Variants in SYNRG observed in about 807,000 individuals in gnomAD.
SYNRG encodes synergin gamma, also known as AP1 gamma subunit binding protein 1.
A neutral mutation model predicts 130.9 loss-of-function variants in SYNRG; 37 were observed. The ratio of observed to expected loss-of-function variants is 0.28; its 90% CI spans 0.22 to 0.37. The LOEUF (loss-of-function observed/expected upper bound fraction) is 0.37. SYNRG is among the 10% of genes least tolerant of loss of function. SYNRG has a pLI of 1.00. For missense variants in SYNRG, 1,338 were observed against 1,588.9 expected (o/e 0.84, Z 2.68); for synonymous variants, 539 against 568.1 (o/e 0.95, Z 0.73).
chr17:37,540,760 G>C (rs2057682694), intron 15 of SYNRG: 1 of 723,882 alleles, frequency 1.4e-6, no homozygotes, highest in Non-Finnish European at 2.0e-6. Flanking sequence ...TCAGCCTCCT[G>C]AGTAGCTGGG....
chr17:37,549,561 T>G (rs1445136459), intron 14 of SYNRG, among the ~76,000 whole-genome samples: 1 of 152,092 alleles, frequency 6.6e-6, no homozygotes, highest in Admixed American at 6.6e-5. Flanking sequence ...ACTGCAAACC[T>G]AACATGCTCT....
chr17:37,545,310 C>T (rs1282832956), intron 14 of SYNRG, among the ~76,000 whole-genome samples: 1 of 151,928 alleles, frequency 6.6e-6, no homozygotes, highest in South Asian at 2.1e-4. Flanking sequence ...GCAGGAGAAT[C>T]GCTTGAATAA....
At position 37,571,737 on chromosome 17, in the gene SYNRG, C is replaced by T. The variant is rs2060448827; in HGVS notation, c.1098+54G>A. The T allele has an allele frequency of 2.7e-6, 4 of 1,502,778 alleles. No homozygotes were observed. The East Asian group carries it at 6.8e-5, about 26-fold the overall frequency. 93.1% of individuals were successfully genotyped at this position (1,502,778 alleles called of 1,614,324 possible). A position where few individuals can be genotyped will look rare whatever the true frequency, so the allele number is the denominator to read the frequency against. On this transcript the variant is annotated intron_variant, in intron 9 of 21. Coordinates refer to ENST00000612223, the MANE Select transcript of SYNRG (RefSeq NM_007247.6). ...AATGTAGTAAAAAAGATTTCATATC[C>T]TTGCAATTTATATTAATAAAGTTAT...
At chr17:37,520,104 A>G in intron 21 of SYNRG, 75 bp downstream of exon 21, 1 of 1,512,582 alleles carries the variant, frequency 6.6e-7, no homozygotes, top group Non-Finnish European at 9.2e-7. Flanking sequence ...ATGGCAATGG[A>G]TAGAATCATC....
intron 5 of SYNRG, 41 bp from the exon 6 acceptor site, chr17:37,584,800 C>T: frequency 6.7e-7 from 1 of 1,482,664 alleles, no homozygotes; most frequent in Non-Finnish European, 9.4e-7. Context: ...TTACTTATCC[C>T]TCACTGTATC....
At chr17:37,563,692 A>G (rs1428716784) in intron 11 of SYNRG, among the ~76,000 whole-genome samples, 6 of 151,958 alleles carry the variant, frequency 3.9e-5, no homozygotes, top group African/African-American at 1.2e-4. Flanking sequence ...ATGCACCACC[A>G]TGCACAGCTA....
chr17:37,543,717 C>T (rs2057999764), intron 14 of SYNRG, among the ~76,000 whole-genome samples: 1 of 152,124 alleles, frequency 6.6e-6, no homozygotes, highest in Non-Finnish European at 1.5e-5. Flanking sequence ...GCTTTAGGGC[C>T]TACAGTGGAA....
chr17:37,594,207 CAATATTAATTATTTTAAT>C (rs2062490241), intron 3 of SYNRG, among the ~76,000 whole-genome samples: 13 of 93,220 alleles, frequency 1.4e-4, no homozygotes, highest in African/African-American at 5.5e-4. Flanking sequence ...ATATTAATTA[CAATATTAATTATTTTAAT>C]TATATTAATT....
intron 8 of SYNRG, among the ~76,000 whole-genome samples, chr17:37,574,425 A>C (rs1220249128): frequency 6.6e-6 from 1 of 152,228 alleles, no homozygotes; most frequent in South Asian, 2.1e-4. Flanking sequence ...CAAGTTAAAA[A>C]GCTTTTGCAC....
At position 37,519,349 on chromosome 17, in the gene SYNRG, GA is replaced by G. The variant is rs1246787353; in HGVS notation, c.3814-279del. On this transcript the variant is annotated intron_variant, in intron 21 of 21. Transcript: ENST00000612223. ...ACAGAGGTTATGGGGTGGAGGGGGGGAATCATGATAAGGGGAACTGAAGTAG... is the reference window on the plus strand; with the variant it reads ...ACAGAGGTTATGGGGTGGAGGGGGGGATCATGATAAGGGGAACTGAAGTAG... Among the ~76,000 whole-genome samples the G allele has an allele frequency of 5.3e-5, 8 of 152,252 alleles. No individual in the cohort carries two copies. In the South Asian group the frequency reaches 1.7e-3, roughly 32 times the overall value.
chr17:37,586,269 T>C (rs1288177070), intron 4 of SYNRG, 150 bp downstream of exon 4: 8 of 1,148,336 alleles, frequency 7.0e-6, no homozygotes, highest in African/African-American at 3.1e-5. Flanking sequence ...GCTGGGATTA[T>C]AGGCATGAAC....
chr17:37,584,911 G>C (rs1287998929), intron 5 of SYNRG, 152 bp from the exon 6 acceptor site: 1 of 602,204 alleles, frequency 1.7e-6, no homozygotes, highest in African/African-American at 1.8e-5. Context: ...CAAGACATTG[G>C]TAAATGATTA....
intron 3 of SYNRG, among the ~76,000 whole-genome samples, chr17:37,593,408 G>T (rs1396610387): frequency 6.6e-6 from 1 of 150,882 alleles, no homozygotes. Context: ...GCCAGACTCT[G>T]TCTCAAAAAA....
At chr17:37,586,286 G>A in intron 4 of SYNRG, 133 bp downstream of exon 4, 3 of 1,311,082 alleles carry the variant, frequency 2.3e-6, no homozygotes, top group Non-Finnish European at 3.1e-6. Context: ...GAACCACTGG[G>A]CCAGGCCTTA....
chr17:37,561,346 C>T, intron 12 of SYNRG, 89 bp from the exon 13 acceptor site: 1 of 1,472,200 alleles, frequency 6.8e-7, no homozygotes, highest in South Asian at 1.1e-5. Flanking sequence ...TAACCAAACA[C>T]TATTAACATG....
intron 18 of SYNRG, chr17:37,537,327 G>A (rs922109222): frequency 2.6e-5 from 4 of 152,332 alleles, no homozygotes; most frequent in African/African-American, 9.7e-5. Context: ...AAGGGAGACA[G>A]AGAGTAAAAA....
At chr17:37,569,766 C>A (rs1411251645) in intron 10 of SYNRG, among the ~76,000 whole-genome samples, 2 of 151,384 alleles carry the variant, frequency 1.3e-5, no homozygotes, top group African/African-American at 2.4e-5. Flanking sequence ...CTCATCATAA[C>A]CAATCACATA....
intron 13 of SYNRG, among the ~76,000 whole-genome samples, 161 bp downstream of exon 13, chr17:37,561,034 T>A (rs2059489278): frequency 6.6e-6 from 1 of 152,190 alleles, no homozygotes; most frequent in Admixed American, 6.5e-5. Flanking sequence ...ATTATAAACA[T>A]CACTACTATA....
At chr17:37,580,506 T>TGAGAGAGAGAGAGAGA (rs1282046342) in intron 6 of SYNRG, among the ~76,000 whole-genome samples, 1 of 114,130 alleles carries the variant, frequency 8.8e-6, no homozygotes, top group Non-Finnish European at 1.8e-5. Flanking sequence ...TGTGTGTGTG[T>TGAGAGAGAGAGAGAGA]GTGTGAGAGA....
Sources: allele counts gnomAD v4.1 joint callset (sites outside exome capture counted in the v4.1 genomes callset), GRCh38; gene constraint gnomAD v4.1.1; transcripts MANE v1.5; gene names NCBI Gene and HGNC (gene_info 2026-07-23, HGNC 2026-07-21).